Variants in PTPN4 observed in about 807,000 individuals in gnomAD.
The protein encoded by PTPN4 is tyrosine-protein phosphatase non-receptor type 4.
A neutral mutation model predicts 135.5 loss-of-function variants in PTPN4; 49 were observed. The ratio of observed to expected loss-of-function variants is 0.36; its 90% confidence interval spans 0.29 to 0.46. The LOEUF (loss-of-function observed/expected upper bound fraction) is 0.46, where lower values mean the gene tolerates loss of function less well. Ranked by LOEUF, PTPN4 falls within the 20% of genes least tolerant of loss-of-function variation. The probability of loss-of-function intolerance (pLI) is 1.00; values close to 1 mark genes in which losing one functional copy is unlikely to be tolerated. For missense variants in PTPN4, 860 were observed against 1,101.0 expected, an observed-to-expected ratio of 0.78 and a Z score of 3.10; for synonymous variants, 333 against 369.9, an observed-to-expected ratio of 0.90 and a Z score of 1.14.
Position 119,940,329 on chromosome 2 carries a change from T to C in PTPN4, c.1356-4752T>C, listed in dbSNP as rs1225885346. Among the ~76,000 whole-genome samples the C allele has an allele frequency of 3.3e-5, 5 of 152,202 alleles. No homozygotes were observed. In the South Asian group the frequency reaches 6.2e-4, roughly 19 times the overall value. ...AGAAGCCTGAATTTTGAATCAGAAT[T>C]TTATCTGTATCTAATGTAATATAAG... On this transcript the variant is annotated intron_variant, in intron 15 of 26. Transcript: ENST00000263708.
intron 24 of PTPN4, among the ~76,000 whole-genome samples, chr2:119,964,855 T>C (rs1679423977): frequency 2.0e-5 from 3 of 152,182 alleles, no homozygotes; most frequent in Non-Finnish European, 4.4e-5. Flanking sequence ...TGAATATATT[T>C]TAAAGATAAT....
chr2:119,812,973 G>T (rs937678457), intron 2 of PTPN4, among the ~76,000 whole-genome samples: 1 of 152,094 alleles, frequency 6.6e-6, no homozygotes, highest in Non-Finnish European at 1.5e-5. Flanking sequence ...CTGTGACTGC[G>T]TAAGAAATTA....
At chr2:119,924,384 C>G (rs939133637) in intron 12 of PTPN4, among the ~76,000 whole-genome samples, 3 of 151,794 alleles carry the variant, frequency 2.0e-5, no homozygotes, top group African/African-American at 7.3e-5. Flanking sequence ...GTATGTCTAG[C>G]CTTTTTAATG....
At chr2:119,763,779 A>G (rs111928381) in intron 1 of PTPN4, among the ~76,000 whole-genome samples, 3,535 of 152,324 alleles carry the variant, frequency 0.023, 129 homozygotes, top group African/African-American at 0.077. Context: ...GAGAAACTCA[A>G]TTTAAAATTG....
intron 2 of PTPN4, among the ~76,000 whole-genome samples, chr2:119,856,095 C>T (rs558438001): frequency 1.1e-4 from 16 of 152,202 alleles, no homozygotes; most frequent in African/African-American, 3.4e-4. Flanking sequence ...TGAGCCACCG[C>T]GCCCAGCCTA....
chr2:119,927,108 AT>A (rs1430247449), intron 13 of PTPN4, among the ~76,000 whole-genome samples: 1 of 140,238 alleles, frequency 7.1e-6, no homozygotes, highest in East Asian at 2.1e-4. Flanking sequence ...GTCATAGCCA[AT>A]TTGCTTTTTT....
At chr2:119,847,187 A>T (rs2104976350) in intron 2 of PTPN4, among the ~76,000 whole-genome samples, 1 of 146,840 alleles carries the variant, frequency 6.8e-6, no homozygotes, top group East Asian at 1.9e-4. Flanking sequence ...CATATAAAAA[A>T]ATATATAGAG....
chr2:119,883,188 C>G (rs955570141), intron 8 of PTPN4, among the ~76,000 whole-genome samples: 4 of 151,924 alleles, frequency 2.6e-5, no homozygotes, highest in African/African-American at 7.2e-5. Flanking sequence ...AGTCAACATT[C>G]GGTGAAAACT....
intron 26 of PTPN4, among the ~76,000 whole-genome samples, chr2:119,976,080 C>T (rs926683177): frequency 3.3e-5 from 5 of 151,222 alleles, no homozygotes; most frequent in African/African-American, 1.2e-4. Context: ...ACTGCAAGCT[C>T]CGCCTCCCAG....
chr2:119,849,695 G>A (rs990795741), intron 2 of PTPN4, among the ~76,000 whole-genome samples: 5 of 152,266 alleles, frequency 3.3e-5, no homozygotes, highest in Middle Eastern at 3.4e-3. Context: ...TTGTTTTTCA[G>A]TGATTTGATT....
intron 18 of PTPN4, 29 bp downstream of exon 18, chr2:119,946,603 C>G: frequency 6.7e-7 from 1 of 1,484,374 alleles, no homozygotes; most frequent in Admixed American, 1.7e-5. Flanking sequence ...TCAAATAAAT[C>G]CTGTTTTCAA....
chr2:119,834,331 T>C (rs930712932), intron 2 of PTPN4, among the ~76,000 whole-genome samples: 1 of 152,110 alleles, frequency 6.6e-6, no homozygotes, highest in African/African-American at 2.4e-5. Context: ...GGCTTACTTT[T>C]TAAGAAACCT....
chr2:119,784,547 C>T (rs568116093), intron 1 of PTPN4, among the ~76,000 whole-genome samples: 10 of 151,714 alleles, frequency 6.6e-5, no homozygotes, highest in African/African-American at 1.4e-4. Context: ...CCACCATGCC[C>T]GGCTAATTTT....
intron 2 of PTPN4, among the ~76,000 whole-genome samples, chr2:119,831,936 T>G (rs1487071651): frequency 4.6e-5 from 7 of 152,222 alleles, no homozygotes; most frequent in Admixed American, 4.6e-4. Flanking sequence ...GACTACGTCA[T>G]AGTAAGTTCT....
chr2:119,799,176 G>T (rs1216027029), intron 1 of PTPN4, among the ~76,000 whole-genome samples: 1 of 152,110 alleles, frequency 6.6e-6, no homozygotes, highest in Admixed American at 6.5e-5. Context: ...TCCTCTATTG[G>T]TCTGTAGAGA....
rs372837623 is a variant in PTPN4, at chr2:119,955,124, C to G, written c.1814-33C>G. ...TCGTGTGAATTCATTAAGATTTCCA[C>G]GTTTTGGGGTTTGTTTGATTTTTTT... On this transcript the variant is annotated intron_variant, in intron 19 of 26. Coordinates refer to ENST00000263708, the MANE Select transcript of PTPN4 (RefSeq NM_002830.4). 2.5e-4 allele frequency: 383 copies of G among 1,544,664 alleles called. 3 individuals are homozygous for G. The Middle Eastern group carries it at 6.7e-3, about 27-fold the overall frequency.
chr2:119,943,906 T>C (rs1293598808), intron 15 of PTPN4, among the ~76,000 whole-genome samples: 1 of 152,108 alleles, frequency 6.6e-6, no homozygotes, highest in Non-Finnish European at 1.5e-5. Flanking sequence ...AACTGTTTCT[T>C]AAAGCTTCCT....
Position 119,914,248 on chromosome 2 carries a change from A to ATTTTTTTT in PTPN4, c.765-910_765-903dup, listed in dbSNP as rs55911315. On this transcript the variant is annotated intron_variant, in intron 10 of 26. Transcript: ENST00000263708. Reference sequence around the variant, plus strand: ...CATAAATACAGTCAATAGTTACTCAATTTTTTTTTTTTTTTTTTTTTTTTT... The same window carrying ATTTTTTTT: ...CATAAATACAGTCAATAGTTACTCAATTTTTTTTTTTTTTTTTTTTTTTTTTTTTTTTT... 7.2e-4 allele frequency among the ~76,000 whole-genome samples: 70 copies of ATTTTTTTT among 97,418 alleles called. 8 individuals carry two copies. The highest frequency in any genetic ancestry group is 3.7e-3 in the African/African-American group (63 of 17,058). The allele number at this position is 97,418 out of a possible 152,430, so 63.9% of individuals were successfully genotyped here.
At chr2:119,817,584 G>C (rs941537523) in intron 2 of PTPN4, among the ~76,000 whole-genome samples, 1 of 152,118 alleles carries the variant, frequency 6.6e-6, no homozygotes, top group African/African-American at 2.4e-5. Flanking sequence ...AGTATAGTTT[G>C]AAGTCAGGTA....
Sources: gnomAD v4.1 joint callset for allele counts (sites outside exome capture counted in the v4.1 genomes callset) on GRCh38, gnomAD v4.1.1 for gene constraint, MANE v1.5 for transcripts, NCBI Gene and HGNC (gene_info 2026-07-23, HGNC 2026-07-21) for gene names.